The following WDR7 variants were observed in gnomAD, a reference collection of about 807,000 sequenced individuals.
WDR7 encodes WD repeat-containing protein 7.
A neutral mutation model predicts 169.4 loss-of-function variants in WDR7; 46 were observed. That is an observed-to-expected ratio of 0.27 (90% confidence interval 0.21 to 0.35). The LOEUF is 0.35. WDR7 is among the 10% of genes least tolerant of loss of function. The probability of loss-of-function intolerance (pLI) is 1.00; values close to 1 mark genes in which losing one functional copy is unlikely to be tolerated. For missense variants in WDR7, 1,534 were observed against 1,859.3 expected (o/e 0.83, Z 3.22); for synonymous variants, 612 against 666.8 (o/e 0.92, Z 1.27).
chr18:56,972,583 C>G (rs1210270616), intron 26 of WDR7, among the ~76,000 whole-genome samples: 2 of 152,050 alleles, frequency 1.3e-5, no homozygotes, highest in African/African-American at 2.4e-5. Flanking sequence ...CAGGGGTGAT[C>G]ATAAGATGAA....
chr18:56,830,918 G>C (rs936942683), intron 20 of WDR7, among the ~76,000 whole-genome samples: 4 of 152,114 alleles, frequency 2.6e-5, no homozygotes, highest in Admixed American at 6.5e-5. Context: ...TGTTGGTCAG[G>C]CTGGTCTTGA....
At chr18:56,953,935 G>A (rs1423528493) in intron 25 of WDR7, among the ~76,000 whole-genome samples, 1 of 152,200 alleles carries the variant, frequency 6.6e-6, no homozygotes, top group African/African-American at 2.4e-5. Flanking sequence ...AAATTACAGT[G>A]TGTATTCTTT....
At chr18:56,963,406 T>C (rs2047362645) in intron 26 of WDR7, among the ~76,000 whole-genome samples, 1 of 152,168 alleles carries the variant, frequency 6.6e-6, no homozygotes, top group African/African-American at 2.4e-5. Flanking sequence ...GTAGCTAAAA[T>C]GTTAAACTGT....
At chr18:57,033,002 TCA>T (rs1295678147), downstream of WDR7, 1 of 151,738 alleles carries the variant, frequency 6.6e-6, no homozygotes, top group Admixed American at 6.6e-5. Flanking sequence ...CAGCGGCACT[TCA>T]AGTTTTAGTG....
chr18:56,776,871 G>C lies in WDR7; in HGVS notation c.2938G>C (p.Val980Leu). Residue 980 changes from valine (V) to leucine (L), a missense_variant, in exon 17 of 28, where the codon GTA (valine) becomes CTA (leucine). Transcript: ENST00000254442. ...SAPALHTCFL[V>L]NEGWSQLAAM... is the part of the protein sequence containing the mutation. ...TCCTGCTTTACATACCTGTTTCTTA[G>C]TAAATGAAGGTATCTCTCTCAACTT... is the stretch of plus-strand genomic sequence containing the variant. The C allele has an allele frequency of 6.2e-7, 1 of 1,612,688 alleles. No individual in the cohort carries two copies. Among genetic ancestry groups the C allele is most frequent in the Middle Eastern group, 1.7e-4 (1 of 6,060 alleles).
intron 26 of WDR7, among the ~76,000 whole-genome samples, chr18:56,988,661 A>C (rs897198477): frequency 3.3e-5 from 5 of 149,566 alleles, no homozygotes; most frequent in African/African-American, 1.2e-4. Context: ...ATTTTGCAGC[A>C]GTTAATAGAC....
intron 14 of WDR7, 21 bp from the exon 15 acceptor site, chr18:56,756,562 T>C: frequency 6.5e-7 from 1 of 1,527,178 alleles, no homozygotes; most frequent in South Asian, 1.3e-5. Flanking sequence ...TATAACTATC[T>C]TTTAAAAATA....
chr18:56,844,819 CTT>C (rs2045543569), intron 20 of WDR7, among the ~76,000 whole-genome samples: 1 of 152,294 alleles, frequency 6.6e-6, no homozygotes, highest in African/African-American at 2.4e-5. Flanking sequence ...TTTAAAGACT[CTT>C]TCCTGGTATA....
At chr18:56,686,092 A>C in intron 6 of WDR7, 60 bp downstream of exon 6, 3 of 1,409,890 alleles carry the variant, frequency 2.1e-6, no homozygotes. Flanking sequence ...TCAAAATTTT[A>C]GTAATGATAT....
At chr18:56,886,372 A>G (rs1314360948) in intron 21 of WDR7, among the ~76,000 whole-genome samples, 5 of 152,186 alleles carry the variant, frequency 3.3e-5, no homozygotes, top group African/African-American at 1.2e-4. Context: ...TGTATCCAGC[A>G]AAACTAAGTA....
intron 20 of WDR7, among the ~76,000 whole-genome samples, chr18:56,860,527 A>C (rs1427243308): frequency 6.6e-6 from 1 of 152,216 alleles, no homozygotes; most frequent in African/African-American, 2.4e-5. Flanking sequence ...ACTCATGAGT[A>C]ACCCTATAAT....
chr18:56,821,238 A>T (rs977161469), intron 20 of WDR7, among the ~76,000 whole-genome samples: 1 of 151,552 alleles, frequency 6.6e-6, no homozygotes, highest in Non-Finnish European at 1.5e-5. Flanking sequence ...TGGAAAGAAG[A>T]AAAAATAGAG....
chr18:56,734,092 C>T (rs189415192), intron 14 of WDR7, among the ~76,000 whole-genome samples: 51 of 152,254 alleles, frequency 3.3e-4, no homozygotes, highest in Admixed American at 3.0e-3. Context: ...AGATGTGGAG[C>T]ATTCATTAGT....
At chr18:56,926,628 T>C (rs1215048538) in intron 22 of WDR7, among the ~76,000 whole-genome samples, 3 of 152,228 alleles carry the variant, frequency 2.0e-5, no homozygotes, top group Non-Finnish European at 4.4e-5. Context: ...CACTGAAGTT[T>C]TCAGTAGGCA....
intron 26 of WDR7, among the ~76,000 whole-genome samples, chr18:56,991,724 A>C (rs2047821669): frequency 6.6e-6 from 1 of 152,202 alleles, no homozygotes; most frequent in Admixed American, 6.5e-5. Flanking sequence ...CTTTATTTGA[A>C]ATGTGGCTTA....
intron 13 of WDR7, among the ~76,000 whole-genome samples, chr18:56,726,619 CT>C (rs2026462427): frequency 6.6e-6 from 1 of 152,148 alleles, no homozygotes; most frequent in South Asian, 2.1e-4. Flanking sequence ...TTGACTTCCT[CT>C]TTTCCTAATT....
In WDR7 at chr18:56,751,051, G is replaced by GT. The variant is rs567618061; in HGVS notation, c.1990-5523dup. 4.2e-3 allele frequency among the ~76,000 whole-genome samples: 626 copies of GT among 150,376 alleles called. 2 individuals carry two copies. The highest frequency in any genetic ancestry group is 0.011 in the African/African-American group (434 of 40,986). On this transcript the variant is annotated intron_variant, in intron 14 of 27. Transcript: ENST00000254442. ...TATCTTCTCATCTGTTTTTGTTCCT[G>GT]TTTTTTTTTCTTTTTTTAAACTCTT...
intron 14 of WDR7, among the ~76,000 whole-genome samples, chr18:56,743,553 G>A (rs1373833412): frequency 6.6e-6 from 1 of 152,146 alleles, no homozygotes; most frequent in African/African-American, 2.4e-5. Context: ...TAGAAGGATC[G>A]AAATGTGTTT....
At chr18:56,856,260 A>G (rs2045720322) in intron 20 of WDR7, among the ~76,000 whole-genome samples, 1 of 152,194 alleles carries the variant, frequency 6.6e-6, no homozygotes, top group African/African-American at 2.4e-5. Context: ...ATGGCTAGGC[A>G]CAGTGGCTCA....
Sources: allele counts gnomAD v4.1 joint callset (sites outside exome capture counted in the v4.1 genomes callset), GRCh38; gene constraint gnomAD v4.1.1; transcripts MANE v1.5; gene names NCBI Gene and HGNC (gene_info 2026-07-23, HGNC 2026-07-21).